The following RAPGEF4 variants were observed in gnomAD, a reference collection of about 807,000 sequenced individuals.
The protein encoded by RAPGEF4 is Rap guanine nucleotide exchange factor 4.
Under a neutral mutation model 147.9 loss-of-function variants are expected in RAPGEF4, and 66 were observed. The observed-to-expected ratio is 0.45, with a 90% CI of 0.37 to 0.55. RAPGEF4 has a LOEUF of 0.55. Ranked by LOEUF, RAPGEF4 falls within the 20% of genes least tolerant of loss-of-function variation. The probability of loss-of-function intolerance (pLI) is 0.00; values close to 1 mark genes in which losing one functional copy is unlikely to be tolerated. For synonymous variants in RAPGEF4, 419 were observed against 442.7 expected (o/e 0.95, Z 0.67); for missense variants, 1,071 against 1,257.3 (o/e 0.85, Z 2.24).
chr2:172,814,180 G>A (rs1489704481), intron 3 of RAPGEF4, 99 bp from the exon 4 acceptor site: 4 of 1,177,104 alleles, frequency 3.4e-6, no homozygotes, highest in South Asian at 1.3e-5. Context: ...ATTAAATTGG[G>A]TGTTTTGCCT....
rs1686373341 is a variant in RAPGEF4, at chr2:173,052,811, T to C, written c.*1044T>C. ...TTCCTGTTTTCACAATTAGACTACA[T>C]TTAATGTGTAGGAATTGTATGTATG... On this transcript the variant is annotated 3_prime_UTR_variant, in exon 31 of 31. Coordinates refer to ENST00000397081, the MANE Select transcript of RAPGEF4 (RefSeq NM_007023.4). The C allele has an allele frequency of 6.6e-6, 1 of 152,512 alleles. No individual in the cohort carries two copies. The highest frequency in any genetic ancestry group is 2.1e-4 in the South Asian group (1 of 4,838). 9.4% of individuals were successfully genotyped at this position (152,512 alleles called of 1,614,324 possible).
intron 4 of RAPGEF4, 104 bp downstream of exon 4, chr2:172,814,529 G>C (rs948527915): frequency 1.5e-6 from 2 of 1,361,980 alleles, no homozygotes; most frequent in East Asian, 2.3e-5. Context: ...GTTCTGTTCT[G>C]AGCTGGTAGA....
At chr2:172,763,094 G>A (rs1299356687) in intron 1 of RAPGEF4, among the ~76,000 whole-genome samples, 1 of 152,170 alleles carries the variant, frequency 6.6e-6, no homozygotes, top group African/African-American at 2.4e-5. Flanking sequence ...TTTCTAACTT[G>A]ATGAGCCAGT....
In RAPGEF4 at chr2:173,027,133, CAAACTTGG is replaced by C; in HGVS notation, c.2434_2441del (p.Asn812PhefsTer7). On this transcript the variant is annotated frameshift_variant, in exon 25 of 31. Transcript: ENST00000397081. LOFTEE classifies it high-confidence loss of function. Reference sequence around the variant, plus strand: ...AGGCATAATTTTAAAAAGACCACAGCAAACTTGGATTTGTTCCTGAGGAGATTTAATGA... The same window carrying C: ...AGGCATAATTTTAAAAAGACCACAGCATTTGTTCCTGAGGAGATTTAATGA... The C allele has an allele frequency of 6.2e-7, 1 of 1,612,766 alleles. No individual in the cohort carries two copies. Among genetic ancestry groups the C allele is most frequent in the Non-Finnish European group, 8.5e-7 (1 of 1,179,480 alleles).
Position 172,985,434 on chromosome 2 carries a change from T to C in RAPGEF4, c.1091T>C (p.Val364Ala). 6.2e-7 allele frequency: 1 copy of C among 1,613,846 alleles called. No homozygotes were observed. Among genetic ancestry groups the C allele is most frequent in the Non-Finnish European group, 8.5e-7 (1 of 1,179,910 alleles). Residue 364 changes from valine to alanine, a missense_variant and splice_region_variant, in exon 12 of 31, where the codon GTG becomes GCG. By Grantham distance (64) the Val-to-Ala change is moderately conservative (BLOSUM62 0). Transcript: ENST00000397081. Reference sequence around the variant, plus strand: ...ATGTTTCTTCTGTTTTTCTTCTAGGTGAAACGAGAGTTAGCAGGTGTTCTC... The same window carrying C: ...ATGTTTCTTCTGTTTTTCTTCTAGGCGAAACGAGAGTTAGCAGGTGTTCTC... ...IKALSHLSTT[V>A]KRELAGVLIF...
rs758926870 is a variant in RAPGEF4, at chr2:172,931,804, C to T, written c.537+9504C>T. 9.9e-5 allele frequency among the ~76,000 whole-genome samples: 15 copies of T among 152,224 alleles called. 1 individual carries two copies. In the East Asian group the frequency reaches 2.1e-3, roughly 22 times the overall value. ...AGATTTTTTAAATCTTACGTTTAAC[C>T]AATTCTCCTTTTATAAGTGTCAAAG... On this transcript the variant is annotated intron_variant, in intron 6 of 30. Coordinates refer to ENST00000397081, the MANE Select transcript of RAPGEF4 (RefSeq NM_007023.4).
At chr2:172,993,988 C>G (rs978069597) in intron 15 of RAPGEF4, among the ~76,000 whole-genome samples, 1 of 152,230 alleles carries the variant, frequency 6.6e-6, no homozygotes, top group Non-Finnish European at 1.5e-5. Flanking sequence ...ATCTCTATTA[C>G]TTTTGACCAG....
chr2:172,765,084 C>T (rs551640642), intron 1 of RAPGEF4, among the ~76,000 whole-genome samples: 1 of 152,342 alleles, frequency 6.6e-6, no homozygotes, highest in South Asian at 2.1e-4. Context: ...TTGCCTCTTC[C>T]TAGCCTCTGA....
intron 4 of RAPGEF4, among the ~76,000 whole-genome samples, chr2:172,891,211 G>T (rs1697872604): frequency 6.6e-6 from 1 of 152,128 alleles, no homozygotes; most frequent in Non-Finnish European, 1.5e-5. Context: ...ATGCGGTTCT[G>T]TGTGACTGCA....
intron 4 of RAPGEF4, among the ~76,000 whole-genome samples, chr2:172,815,981 G>A (rs540477379): frequency 3.4e-4 from 52 of 152,130 alleles, no homozygotes; most frequent in Non-Finnish European, 6.0e-4. Context: ...CTTCAGCTTT[G>A]TTTGTTTTTT....
chr2:172,999,252 T>G (rs768715413), intron 16 of RAPGEF4, among the ~76,000 whole-genome samples: 26 of 152,228 alleles, frequency 1.7e-4, no homozygotes, highest in Non-Finnish European at 2.6e-4. Context: ...CTGATATTTT[T>G]TTCCTACAAG....
At chr2:172,805,968 A>G (rs1698779490) in intron 3 of RAPGEF4, among the ~76,000 whole-genome samples, 1 of 152,100 alleles carries the variant, frequency 6.6e-6, no homozygotes, top group Admixed American at 6.6e-5. Flanking sequence ...ACAAGCTTAA[A>G]AACAATAAAT....
At chr2:172,849,832 A>G (rs1692612612) in intron 4 of RAPGEF4, among the ~76,000 whole-genome samples, 1 of 152,210 alleles carries the variant, frequency 6.6e-6, no homozygotes, top group Non-Finnish European at 1.5e-5. Flanking sequence ...ATTAAACATT[A>G]TCTAAGGTTA....
chr2:172,814,575 G>A, intron 4 of RAPGEF4, 150 bp downstream of exon 4: 1 of 990,078 alleles, frequency 1.0e-6, no homozygotes, highest in Non-Finnish European at 1.5e-6. Context: ...TTTGAAATGA[G>A]TGAGTGAAAA....
chr2:172,739,840 C>G (rs1280267740), intron 1 of RAPGEF4, among the ~76,000 whole-genome samples: 2 of 152,202 alleles, frequency 1.3e-5, no homozygotes, highest in Non-Finnish European at 2.9e-5. Context: ...TGGCATTCAT[C>G]ATGATGGGAC....
chr2:172,774,094 T>G (rs1228066598), intron 1 of RAPGEF4, among the ~76,000 whole-genome samples: 1 of 152,138 alleles, frequency 6.6e-6, no homozygotes. Flanking sequence ...TAAGTAGACA[T>G]TGGAGAGAGA....
intron 4 of RAPGEF4, among the ~76,000 whole-genome samples, chr2:172,858,432 G>A (rs1693682358): frequency 6.6e-6 from 1 of 152,134 alleles, no homozygotes; most frequent in South Asian, 2.1e-4. Context: ...AATTCTCTCA[G>A]CATCCCAAAC....
At chr2:172,921,943 C>T (rs1381192728) in intron 5 of RAPGEF4, among the ~76,000 whole-genome samples, 1 of 152,098 alleles carries the variant, frequency 6.6e-6, no homozygotes, top group Non-Finnish European at 1.5e-5. Context: ...TCCAAAATTC[C>T]GAGTGTTCTG....
In RAPGEF4 at chr2:173,018,695, C is replaced by G; in HGVS notation, c.2048C>G (p.Thr683Ser). The change falls in exon 22 of 31, where the codon ACC becomes AGC. Residue 683 changes from threonine to serine, a missense_variant. Thr to Ser is a moderately conservative substitution (Grantham distance 58). Transcript: ENST00000397081. ...KVYCMDHTYT[T>S]IRVPVATSVK... The stretch of plus-strand genomic sequence containing the variant: ...TATTGCATGGACCACACCTACACAA[C>G]CATTCGGGTGCCAGTGGCCACTTCG... 6.2e-7 allele frequency: 1 copy of G among 1,614,100 alleles called. No individual in the cohort carries two copies. Among genetic ancestry groups the G allele is most frequent in the Non-Finnish European group, 8.5e-7 (1 of 1,180,008 alleles).
Sources: allele counts gnomAD v4.1 joint callset (sites outside exome capture counted in the v4.1 genomes callset), GRCh38; gene constraint gnomAD v4.1.1; transcripts MANE v1.5; gene names NCBI Gene and HGNC (gene_info 2026-07-23, HGNC 2026-07-21).